The following DMRT1 variants were observed in gnomAD, a reference collection of about 807,000 sequenced individuals.
The protein encoded by DMRT1 is doublesex- and mab-3-related transcription factor 1.
A neutral mutation model predicts 32.3 loss-of-function variants in DMRT1; 7 were observed. The ratio of observed to expected loss-of-function variants is 0.22; its 90% CI spans 0.12 to 0.41. The LOEUF is 0.41. Among genes scored for constraint, DMRT1 ranks in the 10% least tolerant of loss-of-function variants. DMRT1 has a pLI of 1.00. For missense variants in DMRT1, 625 were observed against 500.5 expected, an observed-to-expected ratio of 1.25 and a Z score of -2.37; for synonymous variants, 278 against 206.1, an observed-to-expected ratio of 1.35 and a Z score of -2.99.
chr9:903,556 AT>A (rs1369819415), intron 3 of DMRT1, among the ~76,000 whole-genome samples: 3 of 152,114 alleles, frequency 2.0e-5, no homozygotes, highest in Admixed American at 2.0e-4. Flanking sequence ...TGCGATGACA[AT>A]TTTCCCAGTG....
At chr9:862,458 C>T (rs1329342557) in intron 2 of DMRT1, among the ~76,000 whole-genome samples, 3 of 150,504 alleles carry the variant, frequency 2.0e-5, no homozygotes, top group Admixed American at 2.0e-4. Context: ...GCAGCACAGT[C>T]CAGCCTCGGC....
chr9:890,085 G>GTTTTTTTTTTTTTTTT lies in DMRT1; in HGVS notation c.539-3821_539-3806dup, dbSNP rs35228255. Among the ~76,000 whole-genome samples the GTTTTTTTTTTTTTTTT allele has an allele frequency of 1.8e-4, 19 of 102,994 alleles. 2 individuals are homozygous for GTTTTTTTTTTTTTTTT. The highest frequency in any genetic ancestry group is 5.7e-4 in the African/African-American group (15 of 26,220). 67.6% of individuals were successfully genotyped at this position (102,994 alleles called of 152,430 possible). A position where few individuals can be genotyped will look rare whatever the true frequency, so the allele number is the denominator to read the frequency against. ...ACCACCACTTAACGCCACCAAACGTGTTTTTTTTTTTTTTTTTTTTTGAGC... is the reference window on the plus strand; with the variant it reads ...ACCACCACTTAACGCCACCAAACGTGTTTTTTTTTTTTTTTTTTTTTTTTTTTTTTTTTTTTTGAGC... On this transcript the variant is annotated intron_variant, in intron 2 of 4. Coordinates refer to ENST00000382276, the MANE Select transcript of DMRT1 (RefSeq NM_021951.3).
rs1033833 is a variant in DMRT1, at chr9:894,409, A to G, written c.822+214A>G. 0.027 allele frequency: 16,762 copies of G among 614,268 alleles called. 346 individuals carry two copies. Among genetic ancestry groups the G allele is most frequent in the African/African-American group, 0.079 (4,341 of 54,686 alleles). 38.1% of individuals were successfully genotyped at this position (614,268 alleles called of 1,614,324 possible). A position where few individuals can be genotyped will look rare whatever the true frequency, so the allele number is the denominator to read the frequency against. Reference sequence around the variant, plus strand: ...GTGTAAGGAATTTTTTACTCTGTCAATAATGCCCTTTAGCCTCAAAGGTTG... The same window carrying G: ...GTGTAAGGAATTTTTTACTCTGTCAGTAATGCCCTTTAGCCTCAAAGGTTG... On this transcript the variant is annotated intron_variant, in intron 3 of 4. Transcript: ENST00000382276.
At position 842,229 on chromosome 9, in the gene DMRT1, A is replaced by AG. The variant is rs767227773; in HGVS notation, c.354+38dup. 9.5e-6 allele frequency: 8 copies of AG among 845,170 alleles called. No individual in the cohort carries two copies. In the African/African-American group the frequency reaches 2.2e-4, roughly 24 times the overall value. 52.4% of individuals were successfully genotyped at this position (845,170 alleles called of 1,614,324 possible). On this transcript the variant is annotated intron_variant, in intron 1 of 4. Transcript: ENST00000382276. ...CGTGCGGGAGCCCGGGTTCAGCCTT[A>AG]GTTTTTTTTTTTTTTTTTTTTTTTA...
chr9:887,889 C>T (rs1303005953), intron 2 of DMRT1, among the ~76,000 whole-genome samples: 1 of 152,050 alleles, frequency 6.6e-6, no homozygotes, highest in Non-Finnish European at 1.5e-5. Flanking sequence ...TGTTTTTGTG[C>T]CTTTGACAAC....
intron 4 of DMRT1, among the ~76,000 whole-genome samples, chr9:949,572 G>A (rs1819363760): frequency 1.3e-5 from 2 of 152,122 alleles, no homozygotes; most frequent in Admixed American, 1.3e-4. Context: ...GTTTATTCAT[G>A]ATAAGAACAC....
At chr9:904,183 G>C (rs1020599045) in intron 3 of DMRT1, among the ~76,000 whole-genome samples, 1 of 152,182 alleles carries the variant, frequency 6.6e-6, no homozygotes, top group Non-Finnish European at 1.5e-5. Flanking sequence ...TAGATAATTA[G>C]ATCACAGTTT....
chr9:864,754 C>A (rs1815899450), intron 2 of DMRT1, among the ~76,000 whole-genome samples: 1 of 152,128 alleles, frequency 6.6e-6, no homozygotes, highest in Non-Finnish European at 1.5e-5. Context: ...CCCACCTCGG[C>A]CTCCCAAAGT....
At chr9:872,326 G>C (rs1311823933) in intron 2 of DMRT1, among the ~76,000 whole-genome samples, 1 of 152,214 alleles carries the variant, frequency 6.6e-6, no homozygotes, top group African/African-American at 2.4e-5. Flanking sequence ...CTCCCAAAGT[G>C]CTGGGATTAC....
At chr9:882,853 C>G (rs894183858) in intron 2 of DMRT1, among the ~76,000 whole-genome samples, 2 of 150,802 alleles carry the variant, frequency 1.3e-5, no homozygotes, top group African/African-American at 4.9e-5. Context: ...CTCACTGCCA[C>G]CTCTGCCTCT....
chr9:923,302 A>C (rs1818414472), intron 4 of DMRT1, among the ~76,000 whole-genome samples: 1 of 152,174 alleles, frequency 6.6e-6, no homozygotes, highest in Non-Finnish European at 1.5e-5. Flanking sequence ...ATGTGAGGTG[A>C]GGTGACATTC....
In DMRT1 at chr9:965,493, G is replaced by A. The variant is rs991849334; in HGVS notation, c.968-2492G>A. ...GCACTTTCCAAGAAAATATTCATAA[G>A]GCAAGTTAGAGCAAAAGGGGGATAT... On this transcript the variant is annotated intron_variant, in intron 4 of 4. Coordinates refer to ENST00000382276, the MANE Select transcript of DMRT1 (RefSeq NM_021951.3). This position sits in a 1 kb window ranked among gnomAD's most constrained non-coding sequence, Gnocchi z 4.5. 6.6e-6 allele frequency among the ~76,000 whole-genome samples: 1 copy of A among 152,180 alleles called. No homozygotes were observed. Among genetic ancestry groups the A allele is most frequent in the Non-Finnish European group, 1.5e-5 (1 of 68,032 alleles).
chr9:880,452 C>T (rs570359577), intron 2 of DMRT1, among the ~76,000 whole-genome samples: 8 of 152,182 alleles, frequency 5.3e-5, no homozygotes, highest in African/African-American at 9.6e-5. Flanking sequence ...TTGGGCTGGG[C>T]GTGGTGGCTT....
intron 4 of DMRT1, among the ~76,000 whole-genome samples, chr9:950,672 T>G (rs536532539): frequency 6.6e-6 from 1 of 152,318 alleles, no homozygotes; most frequent in African/African-American, 2.4e-5. Context: ...AGTCAGCATT[T>G]ACCAGCTCCT....
intron 4 of DMRT1, among the ~76,000 whole-genome samples, chr9:943,206 G>T (rs1335378752): frequency 2.6e-5 from 4 of 152,236 alleles, no homozygotes; most frequent in Non-Finnish European, 4.4e-5. Flanking sequence ...GCTTTCTGCA[G>T]AGTTCCTAGA....
chr9:864,488 CA>C (rs1815873461), intron 2 of DMRT1, among the ~76,000 whole-genome samples: 3 of 142,226 alleles, frequency 2.1e-5, no homozygotes, highest in Admixed American at 7.5e-5. Context: ...CCACCATGCC[CA>C]GCCAGTACTC....
chr9:964,596 G>C (rs577682121), intron 4 of DMRT1, among the ~76,000 whole-genome samples: 1 of 152,052 alleles, frequency 6.6e-6, no homozygotes, highest in Non-Finnish European at 1.5e-5. Context: ...ATGATTATAG[G>C]GTAGTATAAT....
chr9:850,446 TTTAC>T (rs1264029600), intron 2 of DMRT1, among the ~76,000 whole-genome samples: 1 of 152,142 alleles, frequency 6.6e-6, no homozygotes, highest in African/African-American at 2.4e-5. Context: ...AGAGGTTGGA[TTTAC>T]TTAAAATAAT....
intron 4 of DMRT1, among the ~76,000 whole-genome samples, chr9:922,862 G>A (rs1818399838): frequency 6.6e-6 from 1 of 151,004 alleles, no homozygotes; most frequent in South Asian, 2.1e-4. Context: ...GTTCCGTGAA[G>A]CGAGTTGCAG....
Sources: gnomAD v4.1 joint callset for allele counts (sites outside exome capture counted in the v4.1 genomes callset) on GRCh38, gnomAD v4.1.1 for gene constraint, Gnocchi (gnomAD v3.1) non-coding constraint, MANE v1.5 for transcripts, NCBI Gene and HGNC (gene_info 2026-07-23, HGNC 2026-07-21) for gene names.